The following LDAH variants were observed in gnomAD, a reference collection of about 807,000 sequenced individuals.
The protein encoded by LDAH is lipid droplet-associated hydrolase.
Under a neutral mutation model 29.6 loss-of-function variants are expected in LDAH, and 26 were observed. The ratio of observed to expected loss-of-function variants is 0.88; its 90% CI spans 0.64 to 1.22. The LOEUF (loss-of-function observed/expected upper bound fraction) is 1.22. Ranked by LOEUF, LDAH falls within the 50% of genes most tolerant of loss-of-function variation. The pLI, the probability that LDAH is intolerant of heterozygous loss-of-function variation, is 0.00. For missense variants in LDAH, 344 were observed against 387.3 expected (o/e 0.89, Z 0.94); for synonymous variants, 117 against 133.0 (o/e 0.88, Z 0.83).
intron 4 of LDAH, among the ~76,000 whole-genome samples, chr2:20,758,878 C>G (rs1668496688): frequency 6.6e-6 from 1 of 152,160 alleles, no homozygotes; most frequent in African/African-American, 2.4e-5. Context: ...AACACAGCAA[C>G]TATGAACGGA....
At chr2:20,775,511 A>T (rs1377931743) in intron 3 of LDAH, among the ~76,000 whole-genome samples, 1 of 152,248 alleles carries the variant, frequency 6.6e-6, no homozygotes, top group East Asian at 1.9e-4. Context: ...ATTGAGAACC[A>T]GCTGCTTAGG....
In LDAH at chr2:20,684,914, A is replaced by G; in HGVS notation, c.*1989T>C. On this transcript the variant is annotated 3_prime_UTR_variant, in exon 7 of 7. Transcript: ENST00000237822. The stretch of plus-strand genomic sequence containing the variant: ...ATGAACTTCAGTCTCTTGAAATCTG[A>G]TTCTTCCACCTATGAAAAAAGCAAT... The G allele has an allele frequency of 6.5e-7, 1 of 1,549,948 alleles. No individual in the cohort carries two copies. Among genetic ancestry groups the G allele is most frequent in the Non-Finnish European group, 8.7e-7 (1 of 1,146,746 alleles).
chr2:20,771,456 G>A (rs1457190396), intron 4 of LDAH, among the ~76,000 whole-genome samples: 1 of 152,172 alleles, frequency 6.6e-6, no homozygotes, highest in Non-Finnish European at 1.5e-5. Context: ...AATGATTAAG[G>A]ATTGTAACAT....
chr2:20,820,198 T>C (rs1442338825), intron 1 of LDAH, among the ~76,000 whole-genome samples: 1 of 152,044 alleles, frequency 6.6e-6, no homozygotes, highest in Non-Finnish European at 1.5e-5. Context: ...CCCAAGGTAA[T>C]TTATAGATTC....
At chr2:20,750,612 A>T (rs989907234) in intron 4 of LDAH, among the ~76,000 whole-genome samples, 9 of 152,242 alleles carry the variant, frequency 5.9e-5, no homozygotes, top group Non-Finnish European at 1.2e-4. Context: ...ACGCTTTTCA[A>T]ATGCATACAG....
intron 4 of LDAH, among the ~76,000 whole-genome samples, chr2:20,746,680 TA>T (rs890543224): frequency 8.2e-4 from 121 of 147,074 alleles, no homozygotes; most frequent in Middle Eastern, 3.4e-3. Context: ...TTCATATTGG[TA>T]AAAAAAAAAA....
chr2:20,792,822 T>TG (rs1349787034), intron 2 of LDAH, among the ~76,000 whole-genome samples: 2 of 152,148 alleles, frequency 1.3e-5, no homozygotes, highest in African/African-American at 4.8e-5. Context: ...AAAACCTAGA[T>TG]GATGGGTTGA....
At chr2:20,690,129 G>A (rs1358845811) in intron 6 of LDAH, among the ~76,000 whole-genome samples, 1 of 152,158 alleles carries the variant, frequency 6.6e-6, no homozygotes, top group African/African-American at 2.4e-5. Context: ...TCAGCACTGA[G>A]CAAACACCAT....
intron 6 of LDAH, among the ~76,000 whole-genome samples, chr2:20,687,508 T>A (rs963892705): frequency 1.3e-5 from 2 of 152,230 alleles, no homozygotes; most frequent in African/African-American, 4.8e-5. Context: ...GGTAGTCATA[T>A]GGGATGTATT....
intron 5 of LDAH, among the ~76,000 whole-genome samples, chr2:20,730,267 A>G (rs1479043083): frequency 6.6e-6 from 1 of 152,210 alleles, no homozygotes; most frequent in Non-Finnish European, 1.5e-5. Context: ...TAAAACTACA[A>G]TAAACATTCA....
At chr2:20,788,716 A>C (rs1670730562) in intron 3 of LDAH, among the ~76,000 whole-genome samples, 1 of 152,194 alleles carries the variant, frequency 6.6e-6, no homozygotes, top group Admixed American at 6.5e-5. Flanking sequence ...AATTAACTAA[A>C]GGAAACCCCC....
At chr2:20,795,195 T>A (rs2125087324) in intron 2 of LDAH, among the ~76,000 whole-genome samples, 1 of 152,322 alleles carries the variant, frequency 6.6e-6, no homozygotes, top group Non-Finnish European at 1.5e-5. Context: ...ATGCAATGTA[T>A]AACAGAAGTT....
chr2:20,717,746 C>T (rs1169107566), intron 5 of LDAH, among the ~76,000 whole-genome samples: 1 of 152,064 alleles, frequency 6.6e-6, no homozygotes, highest in African/African-American at 2.4e-5. Context: ...TTTCTTTTCT[C>T]TTGTTTTTGT....
chr2:20,821,871 T>C (rs1440343026), intron 1 of LDAH, among the ~76,000 whole-genome samples: 3 of 152,220 alleles, frequency 2.0e-5, no homozygotes, highest in Middle Eastern at 6.3e-3. Flanking sequence ...GCACCCACTG[T>C]GTTGCCCTGA....
At chr2:20,754,887 T>C (rs775811169) in intron 4 of LDAH, among the ~76,000 whole-genome samples, 2 of 152,052 alleles carry the variant, frequency 1.3e-5, no homozygotes, top group Non-Finnish European at 2.9e-5. Flanking sequence ...CTCCAGACCA[T>C]AGTGGAAGAG....
chr2:20,703,639 T>G (rs954546460), intron 5 of LDAH, among the ~76,000 whole-genome samples: 1 of 152,054 alleles, frequency 6.6e-6, no homozygotes, highest in Non-Finnish European at 1.5e-5. Context: ...TACAGTTACC[T>G]TTTTTTCCCT....
chr2:20,748,854 T>A (rs977363516), intron 4 of LDAH, among the ~76,000 whole-genome samples: 5 of 152,216 alleles, frequency 3.3e-5, no homozygotes, highest in Admixed American at 3.3e-4. Context: ...AAGAAACTGC[T>A]ACTTGGCATA....
At chr2:20,798,060 T>C (rs1346531166) in intron 2 of LDAH, among the ~76,000 whole-genome samples, 4 of 152,186 alleles carry the variant, frequency 2.6e-5, no homozygotes, top group Non-Finnish European at 4.4e-5. Context: ...GCTCTGAGTG[T>C]TGGAAAACAA....
chr2:20,748,700 T>C (rs1306865121), intron 4 of LDAH, among the ~76,000 whole-genome samples: 1 of 152,222 alleles, frequency 6.6e-6, no homozygotes, highest in Non-Finnish European at 1.5e-5. Flanking sequence ...AGCCTCAGAA[T>C]TCAGTGAATA....
Sources: gnomAD v4.1 joint callset for allele counts (sites outside exome capture counted in the v4.1 genomes callset) on GRCh38, gnomAD v4.1.1 for gene constraint, MANE v1.5 for transcripts, NCBI Gene and HGNC (gene_info 2026-07-23, HGNC 2026-07-21) for gene names.